MZT2B: variants seen among roughly 807,000 people sequenced by gnomAD.
MZT2B encodes the protein mitotic-spindle organizing protein 2B.
A neutral mutation model predicts 12.1 loss-of-function variants in MZT2B; 11 were observed. That is an observed-to-expected ratio of 0.91 (90% CI 0.57 to 1.50). The LOEUF is 1.50. MZT2B is among the 40% of genes most tolerant of loss of function. MZT2B has a pLI of 0.00. For missense variants in MZT2B, 209 were observed against 227.7 expected (o/e 0.92, Z 0.53); for synonymous variants, 85 against 109.5 (o/e 0.78, Z 1.40).
the MZT2B span, among the ~76,000 whole-genome samples, chr2:130,203,276 T>C: frequency 9.2e-5 from 14 of 152,186 alleles, no homozygotes; most frequent in Non-Finnish European, 1.3e-4. Context: ...TGTCTGGGAG[T>C]GCAGTGTGGG....
intron 2 of MZT2B, chr2:130,183,039 T>C (rs1214822504): frequency 1.4e-5 from 8 of 591,586 alleles, no homozygotes; most frequent in South Asian, 8.4e-5. Flanking sequence ...CCCCTCCACC[T>C]CTTCACTCAG....
At position 130,182,860 on chromosome 2, in the gene MZT2B, C is replaced by T. The variant is rs1418880808; in HGVS notation, c.319+85C>T. 4.1e-6 allele frequency: 6 copies of T among 1,458,664 alleles called. No individual in the cohort carries two copies. In the African/African-American group the frequency reaches 7.0e-5, roughly 17 times the overall value. 90.4% of individuals were successfully genotyped at this position (1,458,664 alleles called of 1,614,324 possible). A position where few individuals can be genotyped will look rare whatever the true frequency, so the allele number is the denominator to read the frequency against. On this transcript the variant is annotated intron_variant, in intron 2 of 2. Transcript: ENST00000281871. Reference sequence around the variant, plus strand: ...AGGCGCGGCACAGCGGCGGCGTGGCCCTGAGTGGCCAGGCCTGTCTGTCGG... The same window carrying T: ...AGGCGCGGCACAGCGGCGGCGTGGCTCTGAGTGGCCAGGCCTGTCTGTCGG...
the MZT2B span, chr2:130,196,424 T>C: frequency 1.3e-6 from 2 of 1,581,192 alleles, no homozygotes; most frequent in East Asian, 2.3e-5. Flanking sequence ...AACTTGAAAC[T>C]ATATGGCATG....
chr2:130,197,509 G>GA, the MZT2B span, among the ~76,000 whole-genome samples: 3 of 95,334 alleles, frequency 3.1e-5, no homozygotes, highest in African/African-American at 1.8e-4. Flanking sequence ...AAAAAAAAAA[G>GA]AAAAGAAAAG....
chr2:130,185,183 T>C (rs1160497074), intron 2 of MZT2B, among the ~76,000 whole-genome samples: 1 of 151,818 alleles, frequency 6.6e-6, no homozygotes, highest in Non-Finnish European at 1.5e-5. Context: ...TGGTGGCAGG[T>C]GCCTGTAGTC....
rs745877056 is a variant in MZT2B, at chr2:130,182,734, C to T, written c.278C>T (p.Ala93Val). Residue 93 changes from alanine (A) to valine (V), a missense_variant, in exon 2 of 3, where the codon GCG becomes GTG. Ala to Val is a moderately conservative substitution (Grantham distance 64). Transcript: ENST00000281871. ...QRLASEPQDP[A>V]AVSLPTSSVP... is the part of the protein sequence containing the mutation. ...CTAGCGAGCGAGCCCCAGGACCCTG[C>T]GGCCGTGTCTCTGCCCACGTCGAGC... 42 of 1,528,362 alleles carry T rather than the reference C, an allele frequency of 2.7e-5. No individual in the cohort carries two copies. The African/African-American group carries it at 5.1e-4, about 18-fold the overall frequency. The allele number at this position is 1,528,362 out of a possible 1,614,324, so 94.7% of individuals were successfully genotyped here.
At chr2:130,184,337 T>G in intron 2 of MZT2B, 1 of 985,438 alleles carries the variant, frequency 1.0e-6, no homozygotes, top group South Asian at 4.7e-5. Flanking sequence ...AAGTTGTCCC[T>G]TATCTGGACA....
downstream of MZT2B, chr2:130,194,469 G>A: frequency 6.5e-7 from 1 of 1,534,498 alleles, no homozygotes; most frequent in South Asian, 1.3e-5. Flanking sequence ...AGATCCGCCT[G>A]AGAGAAACCA....
At chr2:130,191,464 G>A (rs1690256822), downstream of MZT2B, among the ~76,000 whole-genome samples, 1 of 152,196 alleles carries the variant, frequency 6.6e-6, no homozygotes. Context: ...CTTTTAGCCA[G>A]CATGACCCAT....
downstream of MZT2B, chr2:130,193,889 A>C: frequency 6.2e-7 from 1 of 1,614,242 alleles, no homozygotes; most frequent in Non-Finnish European, 8.5e-7. Context: ...CCCCCTGTAC[A>C]ACATGCAGCA....
the MZT2B span, among the ~76,000 whole-genome samples, chr2:130,201,895 C>T: frequency 4.6e-5 from 7 of 152,062 alleles, no homozygotes; most frequent in East Asian, 1.9e-4. Context: ...AGAAAAGCTA[C>T]GGGAAAAATA....
At chr2:130,186,004 A>G (rs1690046223) in intron 2 of MZT2B, among the ~76,000 whole-genome samples, 1 of 152,156 alleles carries the variant, frequency 6.6e-6, no homozygotes, top group Admixed American at 6.5e-5. Context: ...GGGCCACACC[A>G]GGAGTGTGCT....
intron 2 of MZT2B, chr2:130,184,046 G>A (rs1573759793): frequency 6.5e-7 from 1 of 1,550,270 alleles, no homozygotes; most frequent in East Asian, 2.4e-5. Context: ...GGAGGCCCAA[G>A]CAGCTTTGAG....
At chr2:130,183,111 T>C (rs944591126) in intron 2 of MZT2B, 13 of 461,448 alleles carry the variant, frequency 2.8e-5, no homozygotes, top group African/African-American at 1.9e-4. Context: ...GGCTCACGCC[T>C]ATAATCTTTG....
chr2:130,182,261 C>T, upstream of MZT2B: 3 of 1,289,496 alleles, frequency 2.3e-6, no homozygotes, highest in Non-Finnish European at 2.9e-6. Flanking sequence ...GGGCGGAGCG[C>T]ACCTTTCCGC....
chr2:130,182,504 G>C, intron 1 of MZT2B, 52 bp downstream of exon 1: 1 of 1,541,604 alleles, frequency 6.5e-7, no homozygotes, highest in Non-Finnish European at 8.7e-7. Context: ...CCCGACCTCT[G>C]CTTTCCGGGT....
upstream of MZT2B, chr2:130,181,922 G>A: frequency 1.4e-6 from 2 of 1,432,200 alleles, no homozygotes; most frequent in Non-Finnish European, 1.9e-6. Context: ...CCAGAAAATT[G>A]CACGCTTTCT....
the MZT2B span, chr2:130,198,549 T>G: frequency 3.0e-6 from 2 of 666,208 alleles, no homozygotes; most frequent in East Asian, 7.0e-5. Flanking sequence ...GATTGGCCGT[T>G]GCTCAACACG....
At chr2:130,186,733 C>G (rs748932231) in intron 2 of MZT2B, among the ~76,000 whole-genome samples, 1 of 152,154 alleles carries the variant, frequency 6.6e-6, no homozygotes, top group Non-Finnish European at 1.5e-5. Context: ...CACAGGGAGA[C>G]CCAATCTCTA....
Sources: gnomAD v4.1 joint callset for allele counts (sites outside exome capture counted in the v4.1 genomes callset) on GRCh38, gnomAD v4.1.1 for gene constraint, MANE v1.5 for transcripts, NCBI Gene and HGNC (gene_info 2026-07-23, HGNC 2026-07-21) for gene names.